DCLK2: variants seen among roughly 807,000 people sequenced by gnomAD.
DCLK2 encodes the protein doublecortin like kinase 2, also known as serine/threonine-protein kinase DCLK2.
Under a neutral mutation model 78.4 loss-of-function variants are expected in DCLK2, and 31 were observed. That is an observed-to-expected ratio of 0.40 (90% CI 0.30 to 0.53). DCLK2 has a LOEUF of 0.53. DCLK2 is among the 20% of genes least tolerant of loss of function. The pLI, the probability that DCLK2 is intolerant of heterozygous loss-of-function variation, is 0.61. For synonymous variants in DCLK2, 407 were observed against 374.9 expected (o/e 1.09, Z -0.99); for missense variants, 872 against 973.7 (o/e 0.90, Z 1.39).
At chr4:150,178,689 A>G (rs1737267922) in intron 2 of DCLK2, among the ~76,000 whole-genome samples, 1 of 152,164 alleles carries the variant, frequency 6.6e-6, no homozygotes, top group African/African-American at 2.4e-5. Flanking sequence ...TAATCTACTC[A>G]CCTTGCCGGA....
chr4:150,086,554 T>C (rs553593178), intron 1 of DCLK2, among the ~76,000 whole-genome samples: 6 of 151,412 alleles, frequency 4.0e-5, no homozygotes, highest in Non-Finnish European at 7.4e-5. Flanking sequence ...TCTGCCAGGC[T>C]GGAGTGCAGT....
chr4:150,123,258 A>G (rs949046525), intron 2 of DCLK2, among the ~76,000 whole-genome samples: 3 of 152,080 alleles, frequency 2.0e-5, no homozygotes, highest in African/African-American at 7.2e-5. Flanking sequence ...TTAAAGTGAG[A>G]GATTGACTCT....
chr4:150,227,659 T>C (rs531868204), intron 8 of DCLK2, among the ~76,000 whole-genome samples: 2 of 152,340 alleles, frequency 1.3e-5, no homozygotes, highest in Middle Eastern at 6.8e-3. Flanking sequence ...AATGCTATGG[T>C]ATTTATAAAT....
chr4:150,203,112 T>C (rs1262545608), intron 4 of DCLK2, among the ~76,000 whole-genome samples: 1 of 152,010 alleles, frequency 6.6e-6, no homozygotes, highest in African/African-American at 2.4e-5. Flanking sequence ...CGTATGGAGG[T>C]TTAGAGCAGA....
intron 7 of DCLK2, 22 bp downstream of exon 7, chr4:150,221,807 T>C (rs1180999082): frequency 9.7e-6 from 13 of 1,346,474 alleles, no homozygotes; most frequent in Non-Finnish European, 1.3e-5. Flanking sequence ...GTGAGGATAA[T>C]TAATGAATAA....
At chr4:150,254,407 A>G in intron 15 of DCLK2, 1 of 399,006 alleles carries the variant, frequency 2.5e-6, no homozygotes, top group Non-Finnish European at 4.4e-6. Flanking sequence ...CGCCGCCTGC[A>G]TTGCTTCCCT....
intron 2 of DCLK2, among the ~76,000 whole-genome samples, chr4:150,149,578 G>A (rs1734742718): frequency 6.6e-6 from 1 of 152,212 alleles, no homozygotes; most frequent in Non-Finnish European, 1.5e-5. Flanking sequence ...TGCCTGGCAT[G>A]AAGGGAGGTA....
intron 2 of DCLK2, among the ~76,000 whole-genome samples, chr4:150,178,598 C>T (rs894795489): frequency 6.6e-5 from 10 of 152,070 alleles, no homozygotes; most frequent in African/African-American, 2.2e-4. Context: ...AATTTAGATT[C>T]CTTGTCATGT....
chr4:150,080,865 G>A (rs1205367492), intron 1 of DCLK2, among the ~76,000 whole-genome samples: 1 of 152,190 alleles, frequency 6.6e-6, no homozygotes, highest in Non-Finnish European at 1.5e-5. Flanking sequence ...ACATATGTAT[G>A]TGCTTGTGAC....
chr4:150,144,340 T>G (rs1734307436), intron 2 of DCLK2, among the ~76,000 whole-genome samples: 3 of 152,206 alleles, frequency 2.0e-5, no homozygotes, highest in Admixed American at 2.0e-4. Flanking sequence ...GAATAGGGTG[T>G]CCTTTTCCCA....
chr4:150,164,132 A>G (rs550359711), intron 2 of DCLK2, among the ~76,000 whole-genome samples: 2 of 152,310 alleles, frequency 1.3e-5, no homozygotes, highest in African/African-American at 2.4e-5. Context: ...TATAAAGTTG[A>G]CCCTCAGTTT....
intron 1 of DCLK2, among the ~76,000 whole-genome samples, chr4:150,099,121 C>A (rs1210138718): frequency 6.6e-6 from 1 of 152,160 alleles, no homozygotes; most frequent in Non-Finnish European, 1.5e-5. Flanking sequence ...AAGGGAGTCA[C>A]GAATCTTAAA....
At chr4:150,170,041 G>A (rs1287312411) in intron 2 of DCLK2, among the ~76,000 whole-genome samples, 2 of 152,084 alleles carry the variant, frequency 1.3e-5, no homozygotes, top group African/African-American at 4.8e-5. Context: ...GATGCAAGTA[G>A]TTTTTAAATT....
intron 10 of DCLK2, 80 bp downstream of exon 10, chr4:150,232,908 T>G: frequency 6.6e-7 from 1 of 1,526,178 alleles, no homozygotes; most frequent in African/African-American, 1.4e-5. Flanking sequence ...TGGCATTTTA[T>G]AGTCTATACC....
At chr4:150,244,441 T>C (rs538017367) in intron 12 of DCLK2, among the ~76,000 whole-genome samples, 1 of 152,362 alleles carries the variant, frequency 6.6e-6, no homozygotes, top group East Asian at 1.9e-4. Flanking sequence ...TTGAACATCA[T>C]TTGGGAAATA....
At chr4:150,081,190 C>T (rs1224255748) in intron 1 of DCLK2, among the ~76,000 whole-genome samples, 1 of 152,284 alleles carries the variant, frequency 6.6e-6, no homozygotes. Flanking sequence ...ATGTTAATAT[C>T]CTTCTCTAAA....
At chr4:150,166,463 C>T (rs1736088789) in intron 2 of DCLK2, among the ~76,000 whole-genome samples, 1 of 151,972 alleles carries the variant, frequency 6.6e-6, no homozygotes, top group Non-Finnish European at 1.5e-5. Flanking sequence ...CACTGCACTC[C>T]AGCCTGAGTG....
chr4:150,239,325 C>T (rs951925504), intron 10 of DCLK2, among the ~76,000 whole-genome samples: 10 of 152,262 alleles, frequency 6.6e-5, no homozygotes, highest in East Asian at 1.9e-4. Context: ...GTGTCGGGCA[C>T]GGTAGCTCAT....
At chr4:150,161,984 C>T (rs1258730578) in intron 2 of DCLK2, among the ~76,000 whole-genome samples, 2 of 152,038 alleles carry the variant, frequency 1.3e-5, no homozygotes, top group African/African-American at 4.8e-5. Context: ...ACATTTCTGA[C>T]CTTATTGTGA....
Sources: allele counts gnomAD v4.1 joint callset (sites outside exome capture counted in the v4.1 genomes callset), GRCh38; gene constraint gnomAD v4.1.1; transcripts MANE v1.5; gene names NCBI Gene and HGNC (gene_info 2026-07-23, HGNC 2026-07-21).